Variants in TEX11 observed in about 807,000 individuals in gnomAD.
The protein encoded by TEX11 is testis-expressed protein 11.
TEX11 carries 7 observed loss-of-function variants against 84.4 expected under a neutral mutation model. The ratio of observed to expected loss-of-function variants is 0.08; its 90% CI spans 0.05 to 0.16. The LOEUF is 0.16. Among genes scored for constraint, TEX11 ranks in the 10% least tolerant of loss-of-function variants. The pLI is 1.00. For synonymous variants in TEX11, 264 were observed against 222.8 expected (o/e 1.18, Z -1.64); for missense variants, 551 against 660.5 (o/e 0.83, Z 1.82).
At chrX:70,597,637 T>C (rs2089025516) in intron 24 of TEX11, among the ~76,000 whole-genome samples, 1 of 112,072 alleles carries the variant, frequency 8.9e-6, no homozygotes, top group East Asian at 2.8e-4. Flanking sequence ...ATCACAGATC[T>C]ACATGTAAGA....
At chrX:70,701,722 T>C (rs759026588) in intron 13 of TEX11, among the ~76,000 whole-genome samples, 1 of 112,132 alleles carries the variant, frequency 8.9e-6, no homozygotes, top group Non-Finnish European at 1.9e-5. Flanking sequence ...GTATTCACCA[T>C]TCTAGATGCC....
intron 20 of TEX11, among the ~76,000 whole-genome samples, chrX:70,621,801 A>G (rs1443519716): frequency 9.4e-6 from 1 of 106,703 alleles, no homozygotes; most frequent in African/African-American, 3.4e-5. Flanking sequence ...AGTCTGGTTT[A>G]TATAAAGTAA....
At chrX:70,774,681 TA>T (rs1242142083) in intron 9 of TEX11, among the ~76,000 whole-genome samples, 1 of 111,260 alleles carries the variant, frequency 9.0e-6, no homozygotes, top group Non-Finnish European at 1.9e-5. Context: ...CAAGTAGAAC[TA>T]AAAAGCACTG....
chrX:70,612,964 A>C (rs1160083634), intron 20 of TEX11, among the ~76,000 whole-genome samples: 1 of 112,201 alleles, frequency 8.9e-6, no homozygotes, highest in Non-Finnish European at 1.9e-5. Context: ...AGAGGAACAA[A>C]GATAAGAATT....
the TEX11 span, among the ~76,000 whole-genome samples, chrX:70,516,855 T>C: frequency 9.0e-6 from 1 of 111,276 alleles, no homozygotes; most frequent in Admixed American, 9.6e-5. Context: ...TAAGTTGGAT[T>C]CCTAGGTATT....
At chrX:70,583,041 A>T in intron 25 of TEX11, among the ~76,000 whole-genome samples, 1 of 110,788 alleles carries the variant, frequency 9.0e-6, no homozygotes, top group East Asian at 2.8e-4. Flanking sequence ...TTTGATTGTC[A>T]CTTTGTTTAA....
chrX:70,511,457 T>C, the TEX11 span, among the ~76,000 whole-genome samples: 6 of 111,353 alleles, frequency 5.4e-5, no homozygotes, highest in Non-Finnish European at 1.1e-4. Flanking sequence ...TGGACCTTTA[T>C]AAAAGGGTGA....
intron 15 of TEX11, among the ~76,000 whole-genome samples, chrX:70,675,951 G>A (rs139310797): frequency 3.6e-5 from 4 of 111,575 alleles, no homozygotes; most frequent in Non-Finnish European, 5.7e-5. Flanking sequence ...CATTCTCCAC[G>A]GATTTGACTA....
chrX:70,785,409 C>T, intron 9 of TEX11, among the ~76,000 whole-genome samples: 1 of 111,860 alleles, frequency 8.9e-6, no homozygotes, highest in East Asian at 2.8e-4. Context: ...TAGGCACTGG[C>T]AAAGACTTCA....
intron 5 of TEX11, among the ~76,000 whole-genome samples, chrX:70,856,953 A>G (rs1490048809): frequency 2.7e-5 from 3 of 111,779 alleles, no homozygotes; most frequent in East Asian, 2.8e-4. Context: ...TAAGAAACCA[A>G]TTGGAGAGGG....
intron 9 of TEX11, among the ~76,000 whole-genome samples, chrX:70,754,747 G>GAGAGAGAA (rs374517446): frequency 7.2e-5 from 8 of 110,678 alleles, no homozygotes; most frequent in African/African-American, 1.3e-4. Context: ...GAGAGAGAGA[G>GAGAGAGAA]AGAGAGAAAG....
intron 9 of TEX11, among the ~76,000 whole-genome samples, chrX:70,778,572 A>G (rs953731486): frequency 6.3e-5 from 7 of 111,284 alleles, no homozygotes; most frequent in African/African-American, 2.0e-4. Flanking sequence ...CTCCCATCTC[A>G]GCCTCCCAAG....
At chrX:70,584,375 T>C (rs1315989179) in intron 25 of TEX11, among the ~76,000 whole-genome samples, 1 of 111,345 alleles carries the variant, frequency 9.0e-6, no homozygotes, top group Non-Finnish European at 1.9e-5. Flanking sequence ...TCAACAGACC[T>C]ATAACAAGTA....
intron 24 of TEX11, among the ~76,000 whole-genome samples, chrX:70,599,447 T>C (rs1455972362): frequency 1.8e-5 from 2 of 112,353 alleles, no homozygotes; most frequent in Non-Finnish European, 1.9e-5. Flanking sequence ...AGCTACTTAT[T>C]TGGAAATATT....
intron 9 of TEX11, among the ~76,000 whole-genome samples, chrX:70,751,360 A>G (rs1442501395): frequency 6.6e-5 from 7 of 106,140 alleles, no homozygotes; most frequent in African/African-American, 2.4e-4. Context: ...GGAAACCATC[A>G]TTCTCAGCAA....
intron 28 of TEX11, among the ~76,000 whole-genome samples, chrX:70,550,306 G>A (rs1205316095): frequency 8.9e-6 from 1 of 111,748 alleles, no homozygotes; most frequent in Non-Finnish European, 1.9e-5. Context: ...AGAAAATATT[G>A]GGAAAGCTCT....
intron 10 of TEX11, 122 bp downstream of exon 10, chrX:70,744,043 G>A (rs2090752116): frequency 3.8e-6 from 1 of 265,414 alleles, no homozygotes; most frequent in East Asian, 7.9e-5. Context: ...ACACTGAGAT[G>A]TTAAATGTTG....
At chrX:70,639,084 G>C (rs1336433118) in intron 17 of TEX11, among the ~76,000 whole-genome samples, 1 of 111,493 alleles carries the variant, frequency 9.0e-6, no homozygotes, top group Non-Finnish European at 1.9e-5. Flanking sequence ...AGCAGGGCGA[G>C]GCATTGCCTC....
rs756865278 is a variant in TEX11, at chrX:70,533,960, C to T, written c.2521-3961G>A. Reference sequence around the variant, plus strand: ...TACAAAAATTAGCTGGGCGTGGTGGCGGGTGCCTGTAGTCCCAGCTACTGG... The same window carrying T: ...TACAAAAATTAGCTGGGCGTGGTGGTGGGTGCCTGTAGTCCCAGCTACTGG... On this transcript the variant is annotated intron_variant, in intron 28 of 29. Coordinates refer to ENST00000374333, the MANE Select transcript of TEX11 (RefSeq NM_031276.3). 2.3e-4 allele frequency among the ~76,000 whole-genome samples: 25 copies of T among 107,501 alleles called. No homozygotes were observed. In the South Asian group the frequency reaches 3.0e-3, roughly 13 times the overall value. 93.4% of individuals were successfully genotyped at this position (107,501 alleles called of 115,157 possible).
Sources: gnomAD v4.1 joint callset for allele counts (sites outside exome capture counted in the v4.1 genomes callset) on GRCh38, gnomAD v4.1.1 for gene constraint, MANE v1.5 for transcripts, NCBI Gene and HGNC (gene_info 2026-07-23, HGNC 2026-07-21) for gene names.